The following CERS6 variants were observed in gnomAD, a reference collection of about 807,000 sequenced individuals.
The protein encoded by CERS6 is ceramide synthase 6.
A neutral mutation model predicts 56.8 loss-of-function variants in CERS6; 26 were observed. The observed-to-expected ratio is 0.46, with a 90% CI of 0.34 to 0.63. The LOEUF (loss-of-function observed/expected upper bound fraction) is 0.63, where lower values mean the gene tolerates loss of function less well. Among genes scored for constraint, CERS6 ranks in the 30% least tolerant of loss-of-function variants. CERS6 has a pLI of 0.01. For synonymous variants in CERS6, 164 were observed against 173.3 expected, an observed-to-expected ratio of 0.95 and a Z score of 0.42; for missense variants, 415 against 467.5, an observed-to-expected ratio of 0.89 and a Z score of 1.04.
chr2:168,744,092 A>G (rs1351938641), intron 8 of CERS6, among the ~76,000 whole-genome samples: 4 of 129,914 alleles, frequency 3.1e-5, no homozygotes, highest in Non-Finnish European at 6.2e-5. Flanking sequence ...TGCAAGCTCC[A>G]CCTCCTGTGT....
intron 8 of CERS6, among the ~76,000 whole-genome samples, chr2:168,750,129 A>G (rs1007246261): frequency 1.3e-5 from 2 of 152,128 alleles, no homozygotes; most frequent in Non-Finnish European, 2.9e-5. Context: ...CCCTTGCCCT[A>G]TTTTAGCTAG....
At chr2:168,700,188 T>G (rs1686770191) in intron 6 of CERS6, among the ~76,000 whole-genome samples, 1 of 152,248 alleles carries the variant, frequency 6.6e-6, no homozygotes. Flanking sequence ...TGAGCTTGTG[T>G]TAGCTCTCTG....
At chr2:168,764,853 T>A (rs1684685366) in intron 8 of CERS6, among the ~76,000 whole-genome samples, 1 of 152,188 alleles carries the variant, frequency 6.6e-6, no homozygotes, top group Admixed American at 6.5e-5. Context: ...GGGAAACATA[T>A]GATCCAACAA....
chr2:168,653,123 G>A (rs1685385400), intron 4 of CERS6, among the ~76,000 whole-genome samples: 2 of 152,206 alleles, frequency 1.3e-5, no homozygotes, highest in African/African-American at 4.8e-5. Flanking sequence ...AGTTTCTGTT[G>A]TTGTTTTTAA....
intron 6 of CERS6, among the ~76,000 whole-genome samples, chr2:168,705,764 A>G (rs1368127560): frequency 1.3e-5 from 2 of 152,156 alleles, no homozygotes; most frequent in East Asian, 3.8e-4. Context: ...CCTACTGATC[A>G]TTCTGGATGT....
intron 3 of CERS6, among the ~76,000 whole-genome samples, chr2:168,564,811 C>T (rs1259437638): frequency 1.3e-5 from 2 of 152,184 alleles, no homozygotes; most frequent in Admixed American, 1.3e-4. Context: ...AGGAATTTAA[C>T]CCTGAATCAC....
chr2:168,555,544 A>G (rs1379936082), intron 2 of CERS6, among the ~76,000 whole-genome samples: 1 of 152,048 alleles, frequency 6.6e-6, no homozygotes, highest in Non-Finnish European at 1.5e-5. Flanking sequence ...TTAATCCCCA[A>G]ATCCTACATT....
chr2:168,764,422 A>G (rs1296186505), intron 8 of CERS6, among the ~76,000 whole-genome samples: 1 of 152,174 alleles, frequency 6.6e-6, no homozygotes, highest in Non-Finnish European at 1.5e-5. Context: ...GATTACAGGC[A>G]TGAGCCACGG....
At chr2:168,756,808 A>G (rs1684427847) in intron 8 of CERS6, among the ~76,000 whole-genome samples, 1 of 152,164 alleles carries the variant, frequency 6.6e-6, no homozygotes, top group South Asian at 2.1e-4. Flanking sequence ...TCCCCCACCA[A>G]CGCGATCTGA....
intron 7 of CERS6, 52 bp from the exon 8 acceptor site, chr2:168,717,820 T>C: frequency 3.6e-6 from 5 of 1,401,808 alleles, no homozygotes; most frequent in Non-Finnish European, 5.0e-6. Context: ...TGAAAGAAAC[T>C]TTTTATTATC....
At chr2:168,694,295 TC>T (rs1686581315) in intron 5 of CERS6, among the ~76,000 whole-genome samples, 2 of 152,150 alleles carry the variant, frequency 1.3e-5, no homozygotes, top group Admixed American at 1.3e-4. Flanking sequence ...CAGGTATCAC[TC>T]CCATTTTACA....
At chr2:168,457,643 A>G (rs891747429) in intron 1 of CERS6, among the ~76,000 whole-genome samples, 2 of 152,106 alleles carry the variant, frequency 1.3e-5, no homozygotes, top group Non-Finnish European at 2.9e-5. Flanking sequence ...ATCACAAAGT[A>G]GAGTTTAGAT....
intron 2 of CERS6, among the ~76,000 whole-genome samples, chr2:168,553,692 A>G (rs1307666187): frequency 6.6e-6 from 1 of 152,212 alleles, no homozygotes; most frequent in Non-Finnish European, 1.5e-5. Context: ...ACTCTATTAA[A>G]TCATTAATTT....
intron 3 of CERS6, among the ~76,000 whole-genome samples, chr2:168,607,864 G>A (rs1300029128): frequency 6.6e-6 from 1 of 152,120 alleles, no homozygotes; most frequent in Non-Finnish European, 1.5e-5. Flanking sequence ...GTTGGCTCTG[G>A]GCTCACACGG....
intron 4 of CERS6, among the ~76,000 whole-genome samples, chr2:168,645,055 C>T (rs1451278729): frequency 3.0e-5 from 4 of 132,656 alleles, no homozygotes; most frequent in African/African-American, 1.1e-4. Context: ...CACACCACTG[C>T]ACTCCAGCCT....
chr2:168,680,097 G>A (rs1187002773), intron 4 of CERS6, among the ~76,000 whole-genome samples: 3 of 152,188 alleles, frequency 2.0e-5, no homozygotes, highest in Non-Finnish European at 4.4e-5. Flanking sequence ...CATTTTTGGA[G>A]GCAGAAAGCC....
At chr2:168,558,644 T>C (rs1347185088) in intron 2 of CERS6, among the ~76,000 whole-genome samples, 16 of 152,148 alleles carry the variant, frequency 1.1e-4, no homozygotes, top group African/African-American at 2.9e-4. Flanking sequence ...CCAAGGCGGG[T>C]GGATCACAAG....
chr2:168,673,689 C>A (rs1410439107), intron 4 of CERS6, among the ~76,000 whole-genome samples: 1 of 152,178 alleles, frequency 6.6e-6, no homozygotes, highest in African/African-American at 2.4e-5. Flanking sequence ...TGGTTTGCTC[C>A]TCCCTATTCC....
intron 4 of CERS6, chr2:168,644,083 C>T: frequency 1.0e-6 from 1 of 985,162 alleles, no homozygotes; most frequent in Non-Finnish European, 1.2e-6. Context: ...TATTCTTTAT[C>T]CTTAAACAGC....
Sources: allele counts gnomAD v4.1 joint callset (sites outside exome capture counted in the v4.1 genomes callset), GRCh38; gene constraint gnomAD v4.1.1; transcripts MANE v1.5; gene names NCBI Gene and HGNC (gene_info 2026-07-23, HGNC 2026-07-21).